BMPR1B: variants seen among roughly 807,000 people sequenced by gnomAD.
The protein encoded by BMPR1B is bone morphogenetic protein receptor type-1B.
BMPR1B carries 12 observed loss-of-function variants against 59.1 expected under a neutral mutation model. That is an observed-to-expected ratio of 0.20 (90% confidence interval 0.13 to 0.33). The LOEUF (loss-of-function observed/expected upper bound fraction) is 0.33. Among genes scored for constraint, BMPR1B ranks in the 10% least tolerant of loss-of-function variants. BMPR1B has a pLI of 1.00. For synonymous variants in BMPR1B, 237 were observed against 207.3 expected (o/e 1.14, Z -1.23); for missense variants, 550 against 610.9 (o/e 0.90, Z 1.05).
intron 1 of BMPR1B, among the ~76,000 whole-genome samples, chr4:94,855,962 C>T (rs970411554): frequency 1.3e-5 from 2 of 152,076 alleles, no homozygotes; most frequent in Non-Finnish European, 2.9e-5. Context: ...AATAAAACTT[C>T]GAATAACTTT....
intron 1 of BMPR1B, among the ~76,000 whole-genome samples, chr4:94,831,022 A>G (rs1724565832): frequency 6.6e-6 from 1 of 152,212 alleles, no homozygotes; most frequent in South Asian, 2.1e-4. Context: ...GGTTAACTGT[A>G]AAAAAGCCTC....
At chr4:94,795,284 G>A (rs542747433) in intron 1 of BMPR1B, among the ~76,000 whole-genome samples, 1 of 146,910 alleles carries the variant, frequency 6.8e-6, no homozygotes, top group African/African-American at 2.5e-5. Context: ...TAATCATGTG[G>A]TTTTTGTCTT....
At chr4:95,018,280 A>C in intron 3 of BMPR1B, among the ~76,000 whole-genome samples, 1 of 152,204 alleles carries the variant, frequency 6.6e-6, no homozygotes, top group East Asian at 1.9e-4. Context: ...TCAACAGAGA[A>C]GTTTTGGATT....
intron 1 of BMPR1B, among the ~76,000 whole-genome samples, chr4:94,873,704 G>A (rs970292562): frequency 6.6e-6 from 1 of 152,126 alleles, no homozygotes; most frequent in African/African-American, 2.4e-5. Flanking sequence ...TGCCGTGCCC[G>A]GCCCGACCAT....
At chr4:94,914,278 AAG>A (rs1436481516) in intron 2 of BMPR1B, among the ~76,000 whole-genome samples, 2 of 152,124 alleles carry the variant, frequency 1.3e-5, no homozygotes, top group Non-Finnish European at 2.9e-5. Flanking sequence ...CCTACCCACT[AAG>A]AGAGAGAACA....
At chr4:94,936,490 G>A (rs777762426) in intron 2 of BMPR1B, among the ~76,000 whole-genome samples, 1 of 151,926 alleles carries the variant, frequency 6.6e-6, no homozygotes, top group Non-Finnish European at 1.5e-5. Flanking sequence ...CAGGTTTTTT[G>A]TTGTTGTTGT....
chr4:95,130,311 G>C (rs1333013973), intron 9 of BMPR1B, among the ~76,000 whole-genome samples: 1 of 152,190 alleles, frequency 6.6e-6, no homozygotes, highest in Non-Finnish European at 1.5e-5. Context: ...CAGGAAATGC[G>C]AGTGTAAAAC....
At chr4:94,926,499 A>G (rs1446150520) in intron 2 of BMPR1B, among the ~76,000 whole-genome samples, 1 of 152,140 alleles carries the variant, frequency 6.6e-6, no homozygotes, top group Non-Finnish European at 1.5e-5. Flanking sequence ...AGTTTGCCCC[A>G]GAGTTCAGAT....
At chr4:94,762,021 A>G (rs1019791780) in intron 1 of BMPR1B, among the ~76,000 whole-genome samples, 1 of 152,236 alleles carries the variant, frequency 6.6e-6, no homozygotes, top group Non-Finnish European at 1.5e-5. Context: ...GTAGACAAAA[A>G]GGACATTTTG....
intron 3 of BMPR1B, among the ~76,000 whole-genome samples, chr4:95,047,054 A>C (rs1044950559): frequency 2.0e-5 from 3 of 152,170 alleles, no homozygotes; most frequent in Non-Finnish European, 4.4e-5. Flanking sequence ...CATTTTTTAA[A>C]ATAAACTTTT....
intron 2 of BMPR1B, among the ~76,000 whole-genome samples, chr4:94,887,049 A>C (rs1056710983): frequency 1.3e-5 from 2 of 152,128 alleles, no homozygotes; most frequent in African/African-American, 4.8e-5. Context: ...AAAGGTAAAA[A>C]GGAACGAAGA....
chr4:95,098,794 G>T (rs1260918178), intron 3 of BMPR1B, among the ~76,000 whole-genome samples: 4 of 152,070 alleles, frequency 2.6e-5, no homozygotes, highest in Non-Finnish European at 2.9e-5. Flanking sequence ...TGGGCTCACT[G>T]CAAGCTCCAC....
intron 2 of BMPR1B, among the ~76,000 whole-genome samples, chr4:94,914,266 G>A (rs1242052804): frequency 1.3e-5 from 2 of 152,058 alleles, no homozygotes; most frequent in African/African-American, 2.4e-5. Context: ...GAAGAGATGA[G>A]GCCTACCCAC....
intron 1 of BMPR1B, among the ~76,000 whole-genome samples, chr4:94,860,817 T>G (rs1242710791): frequency 1.5e-5 from 2 of 132,998 alleles, no homozygotes; most frequent in African/African-American, 7.7e-5. Flanking sequence ...ACCTTTTATA[T>G]GTCTTTTATA....
At chr4:95,083,893 T>C in intron 3 of BMPR1B, among the ~76,000 whole-genome samples, 1 of 152,300 alleles carries the variant, frequency 6.6e-6, no homozygotes, top group South Asian at 2.1e-4. Flanking sequence ...TAAATATATT[T>C]TGTAGATAAT....
At chr4:95,101,507 A>G (rs2149262181) in intron 3 of BMPR1B, among the ~76,000 whole-genome samples, 1 of 152,230 alleles carries the variant, frequency 6.6e-6, no homozygotes, top group Middle Eastern at 3.4e-3. Context: ...TCCCCCTTTT[A>G]GAAGTACTTT....
chr4:95,146,788 G>C (rs1332474037), intron 10 of BMPR1B, among the ~76,000 whole-genome samples: 1 of 152,200 alleles, frequency 6.6e-6, no homozygotes, highest in East Asian at 1.9e-4. Flanking sequence ...CCCATGAGAG[G>C]TGTCAGCAGG....
At chr4:94,956,781 C>CTG (rs1241807609) in intron 2 of BMPR1B, among the ~76,000 whole-genome samples, 2 of 150,130 alleles carry the variant, frequency 1.3e-5, no homozygotes, top group Admixed American at 1.3e-4. Flanking sequence ...TTGATTTTTA[C>CTG]TGTGTTGTTT....
At chr4:95,002,726 G>C (rs1484953139) in intron 3 of BMPR1B, among the ~76,000 whole-genome samples, 7 of 151,988 alleles carry the variant, frequency 4.6e-5, no homozygotes, top group Non-Finnish European at 1.0e-4. Context: ...AAAAAAGCCT[G>C]GTTATCCCTT....
Sources: gnomAD v4.1 joint callset for allele counts (sites outside exome capture counted in the v4.1 genomes callset) on GRCh38, gnomAD v4.1.1 for gene constraint, MANE v1.5 for transcripts, NCBI Gene and HGNC (gene_info 2026-07-23, HGNC 2026-07-21) for gene names.